The following ADCY9 variants were observed in gnomAD, a reference collection of about 807,000 sequenced individuals.
ADCY9 encodes adenylate cyclase 9.
ADCY9 carries 50 observed loss-of-function variants against 101.5 expected under a neutral mutation model. That is an observed-to-expected ratio of 0.49 (90% CI 0.39 to 0.62). ADCY9 has a LOEUF of 0.62. ADCY9 is among the 20% of genes least tolerant of loss of function. The pLI, the probability that ADCY9 is intolerant of heterozygous loss-of-function variation, is 0.00. For synonymous variants in ADCY9, 905 were observed against 769.3 expected, an observed-to-expected ratio of 1.18 and a Z score of -2.92; for missense variants, 1,662 against 1,800.4, an observed-to-expected ratio of 0.92 and a Z score of 1.39.
rs2055951977 is a variant in ADCY9, at chr16:3,963,107, T to TATATATATAC, written c.*2667_*2668insGTATATATAT. On this transcript the variant is annotated 3_prime_UTR_variant, in exon 11 of 11. Transcript: ENST00000294016. ...TGTGTGCTTGTTTACCATATATATA[T>TATATATATAC]ATATATATATATATATATATATATA... 1 of 27,312 alleles carries TATATATATAC rather than the reference T, an allele frequency of 3.7e-5. No individual in the cohort carries two copies. Among genetic ancestry groups the TATATATATAC allele is most frequent in the Admixed American group, 3.7e-4 (1 of 2,724 alleles). The allele number at this position is 27,312 out of a possible 1,614,324, so 1.7% of individuals were successfully genotyped here.
At chr16:3,981,612 G>A (rs926444366) in intron 7 of ADCY9, among the ~76,000 whole-genome samples, 5 of 151,026 alleles carry the variant, frequency 3.3e-5, no homozygotes, top group Admixed American at 2.0e-4. Context: ...TTTCTTTTTT[G>A]AGATGGAGTT....
chr16:4,078,530 C>G (rs1469859764), intron 2 of ADCY9, among the ~76,000 whole-genome samples: 1 of 149,194 alleles, frequency 6.7e-6, no homozygotes, highest in African/African-American at 2.5e-5. Context: ...TGCACTCCAG[C>G]CTGCCTAGAG....
intron 2 of ADCY9, among the ~76,000 whole-genome samples, chr16:4,053,758 T>C (rs1300261665): frequency 1.3e-5 from 2 of 152,200 alleles, no homozygotes; most frequent in African/African-American, 4.8e-5. Flanking sequence ...GTGAGCCCCA[T>C]TGCACAATAT....
intron 6 of ADCY9, among the ~76,000 whole-genome samples, chr16:3,986,791 TCTCA>T (rs2056196853): frequency 6.6e-6 from 1 of 152,166 alleles, no homozygotes; most frequent in South Asian, 2.1e-4. Context: ...AGAGACAGGG[TCTCA>T]CTATGTTGCC....
At chr16:4,054,150 C>G (rs2056720713) in intron 2 of ADCY9, 1 of 152,206 alleles carries the variant, frequency 6.6e-6, no homozygotes, top group South Asian at 2.1e-4. Flanking sequence ...GATGCAACCA[C>G]AGAGCCGAGA....
At position 3,965,355 on chromosome 16, in the gene ADCY9, A is replaced by T. The variant is rs956852642; in HGVS notation, c.*420T>A. Reference sequence around the variant, plus strand: ...ACAGAAACAAAATAAACTCAAAAACAGGGTATTAGCCAGAGAACCGAAAAT... The same window carrying T: ...ACAGAAACAAAATAAACTCAAAAACTGGGTATTAGCCAGAGAACCGAAAAT... On this transcript the variant is annotated 3_prime_UTR_variant, in exon 11 of 11. Coordinates refer to ENST00000294016, the MANE Select transcript of ADCY9 (RefSeq NM_001116.4). 2.0e-5 allele frequency: 4 copies of T among 203,588 alleles called. No homozygotes were observed. The allele number at this position is 203,588 out of a possible 1,614,324, so 12.6% of individuals were successfully genotyped here.
intron 2 of ADCY9, among the ~76,000 whole-genome samples, chr16:4,081,205 G>A (rs978325331): frequency 6.6e-6 from 1 of 152,142 alleles, no homozygotes; most frequent in Non-Finnish European, 1.5e-5. Context: ...ATCTGCTCTC[G>A]TGGAACACAA....
chr16:4,000,968 T>C (rs1330077522), intron 3 of ADCY9, among the ~76,000 whole-genome samples: 4 of 125,258 alleles, frequency 3.2e-5, no homozygotes, highest in Admixed American at 1.6e-4. Flanking sequence ...TCCCTCTCTC[T>C]ACACACACAC....
chr16:4,013,782 T>C (rs1439906269), intron 2 of ADCY9, among the ~76,000 whole-genome samples: 1 of 152,240 alleles, frequency 6.6e-6, no homozygotes, highest in Non-Finnish European at 1.5e-5. Flanking sequence ...TATGGAGTCA[T>C]AGATATATTT....
At chr16:3,998,210 G>C (rs2056302719) in intron 3 of ADCY9, among the ~76,000 whole-genome samples, 1 of 151,980 alleles carries the variant, frequency 6.6e-6, no homozygotes, top group Admixed American at 6.6e-5. Flanking sequence ...GATCAACCTG[G>C]GCAATGTATC....
chr16:4,048,740 C>T (rs775268278), intron 2 of ADCY9, among the ~76,000 whole-genome samples: 1 of 152,102 alleles, frequency 6.6e-6, no homozygotes, highest in Non-Finnish European at 1.5e-5. Context: ...TCTCACACAG[C>T]GTGAGCGTCC....
At chr16:4,015,875 G>A (rs1327535254) in intron 2 of ADCY9, among the ~76,000 whole-genome samples, 2 of 151,972 alleles carry the variant, frequency 1.3e-5, no homozygotes, top group Non-Finnish European at 1.5e-5. Flanking sequence ...GGCTAAGGCA[G>A]GAAAATCTCT....
At chr16:3,976,330 T>C (rs2056092440) in intron 9 of ADCY9, among the ~76,000 whole-genome samples, 1 of 152,222 alleles carries the variant, frequency 6.6e-6, no homozygotes, top group Non-Finnish European at 1.5e-5. Context: ...ATTCAGTTAG[T>C]GCAACACATG....
At chr16:3,971,498 C>T (rs964842429) in intron 10 of ADCY9, among the ~76,000 whole-genome samples, 2 of 152,208 alleles carry the variant, frequency 1.3e-5, no homozygotes, top group Non-Finnish European at 2.9e-5. Flanking sequence ...TTCACTGACT[C>T]ATTTCGTGAA....
At chr16:4,054,599 C>A (rs1597195911) in intron 2 of ADCY9, among the ~76,000 whole-genome samples, 2 of 150,892 alleles carry the variant, frequency 1.3e-5, no homozygotes, top group South Asian at 4.2e-4. Context: ...GAGACGGACT[C>A]TCGCTCTGTC....
chr16:4,016,875 G>A (rs550553329), intron 2 of ADCY9, among the ~76,000 whole-genome samples: 23 of 152,288 alleles, frequency 1.5e-4, no homozygotes, highest in African/African-American at 5.1e-4. Context: ...TTGGGGTGAC[G>A]AAAATGTAAA....
intron 3 of ADCY9, among the ~76,000 whole-genome samples, chr16:3,996,067 C>T (rs1310311157): frequency 1.3e-5 from 2 of 152,090 alleles, no homozygotes; most frequent in African/African-American, 4.8e-5. Context: ...CAGAGTTAAA[C>T]TTCTAAACAT....
chr16:3,980,625 C>A (rs964630509), intron 7 of ADCY9, among the ~76,000 whole-genome samples: 1 of 152,186 alleles, frequency 6.6e-6, no homozygotes, highest in South Asian at 2.1e-4. Flanking sequence ...TGTGGCCAGG[C>A]GAGGGAACGC....
chr16:4,061,968 C>T (rs981961702), intron 2 of ADCY9, among the ~76,000 whole-genome samples: 5 of 152,174 alleles, frequency 3.3e-5, no homozygotes, highest in African/African-American at 1.2e-4. Flanking sequence ...TAGACATAGA[C>T]ATTTAATGGA....
Sources: gnomAD v4.1 joint callset for allele counts (sites outside exome capture counted in the v4.1 genomes callset) on GRCh38, gnomAD v4.1.1 for gene constraint, MANE v1.5 for transcripts, NCBI Gene and HGNC (gene_info 2026-07-23, HGNC 2026-07-21) for gene names.